The following VOPP1 variants were observed in gnomAD, a reference collection of about 807,000 sequenced individuals.
VOPP1 encodes WW domain binding protein VOPP1.
Under a neutral mutation model 23.5 loss-of-function variants are expected in VOPP1, and 8 were observed. The ratio of observed to expected loss-of-function variants is 0.34; its 90% CI spans 0.20 to 0.61. The LOEUF is 0.61. Ranked by LOEUF, VOPP1 falls within the 20% of genes least tolerant of loss-of-function variation. VOPP1 has a pLI of 0.78. For missense variants in VOPP1, 174 were observed against 238.1 expected (o/e 0.73, Z 1.77); for synonymous variants, 83 against 97.3 (o/e 0.85, Z 0.86).
intron 4 of VOPP1, among the ~76,000 whole-genome samples, chr7:55,440,698 C>G (rs529802675): frequency 1.8e-4 from 28 of 152,302 alleles, no homozygotes; most frequent in Admixed American, 1.1e-3. Flanking sequence ...GGAGCACAAG[C>G]GTGTGCCTGG....
At chr7:55,446,088 G>A (rs1230014943) in intron 4 of VOPP1, among the ~76,000 whole-genome samples, 2 of 149,996 alleles carry the variant, frequency 1.3e-5, no homozygotes, top group East Asian at 3.9e-4. Context: ...TGCCTCCTGT[G>A]TTCATTCCAT....
chr7:55,484,140 G>A (rs573388270), intron 4 of VOPP1, among the ~76,000 whole-genome samples: 2 of 152,276 alleles, frequency 1.3e-5, no homozygotes, highest in East Asian at 3.9e-4. Context: ...CCTCTGCCAT[G>A]TTTTGTTTTT....
intron 4 of VOPP1, among the ~76,000 whole-genome samples, chr7:55,474,159 G>A (rs1792058896): frequency 6.6e-6 from 1 of 152,180 alleles, no homozygotes; most frequent in Non-Finnish European, 1.5e-5. Context: ...AGGCTGCCTC[G>A]CCCTGCATCT....
At chr7:55,555,337 C>T (rs977891050) in intron 1 of VOPP1, among the ~76,000 whole-genome samples, 3 of 152,224 alleles carry the variant, frequency 2.0e-5, no homozygotes, top group African/African-American at 7.2e-5. Flanking sequence ...ATGACAATCG[C>T]TCACTTTCAG....
At chr7:55,526,252 G>A (rs1796185865) in intron 1 of VOPP1, among the ~76,000 whole-genome samples, 1 of 152,252 alleles carries the variant, frequency 6.6e-6, no homozygotes, top group South Asian at 2.1e-4. Context: ...AGGCCTGAAA[G>A]ACGTCTCTGC....
intron 1 of VOPP1, among the ~76,000 whole-genome samples, chr7:55,535,379 T>C (rs1447202221): frequency 6.6e-6 from 1 of 152,170 alleles, no homozygotes; most frequent in Non-Finnish European, 1.5e-5. Flanking sequence ...CTCAGTGAGC[T>C]CAGAGGGCAC....
At chr7:55,560,163 C>T (rs1333906221) in intron 1 of VOPP1, among the ~76,000 whole-genome samples, 2 of 151,688 alleles carry the variant, frequency 1.3e-5, no homozygotes, top group African/African-American at 2.4e-5. Flanking sequence ...AAACAACAAA[C>T]GAAAACAAAA....
intron 2 of VOPP1, among the ~76,000 whole-genome samples, chr7:55,508,867 TC>T (rs1439598366): frequency 6.6e-6 from 1 of 152,086 alleles, no homozygotes; most frequent in Non-Finnish European, 1.5e-5. Flanking sequence ...CATAGTGAGA[TC>T]CTGTCTCTAT....
chr7:55,463,967 G>A (rs1215842813), intron 4 of VOPP1, among the ~76,000 whole-genome samples: 1 of 152,216 alleles, frequency 6.6e-6, no homozygotes, highest in Non-Finnish European at 1.5e-5. Flanking sequence ...ATGGCAGCAG[G>A]TGGAGTGGAT....
At chr7:55,536,335 C>T (rs1461964403) in intron 1 of VOPP1, among the ~76,000 whole-genome samples, 2 of 152,140 alleles carry the variant, frequency 1.3e-5, no homozygotes, top group African/African-American at 2.4e-5. Flanking sequence ...CTAAGACCAA[C>T]CTGGCCAACA....
intron 1 of VOPP1, among the ~76,000 whole-genome samples, chr7:55,570,740 G>C (rs2129058243): frequency 6.6e-6 from 1 of 152,192 alleles, no homozygotes; most frequent in East Asian, 1.9e-4. Flanking sequence ...TCAGGAGTTC[G>C]AGACCAGCCT....
At chr7:55,486,189 T>C (rs117480414) in intron 4 of VOPP1, among the ~76,000 whole-genome samples, 1,860 of 152,366 alleles carry the variant, frequency 0.012, 12 homozygotes, top group Middle Eastern at 0.02. Flanking sequence ...TCAAAGATCA[T>C]AGATGTGCAA....
chr7:55,470,621 T>C lies in VOPP1; in HGVS notation c.*2234A>G, dbSNP rs1791755704. On this transcript the variant is annotated 3_prime_UTR_variant, in exon 5 of 5. Coordinates refer to ENST00000285279, the MANE Select transcript of VOPP1 (RefSeq NM_030796.5). Reference sequence around the variant, plus strand: ...AAAACAATCAAAGCACATGCCCAAATTTATTTTTATTTTGCACACATAGGA... The same window carrying C: ...AAAACAATCAAAGCACATGCCCAAACTTATTTTTATTTTGCACACATAGGA... 6.6e-6 allele frequency: 1 copy of C among 152,184 alleles called. No individual in the cohort carries two copies. Among genetic ancestry groups the C allele is most frequent in the Non-Finnish European group, 1.5e-5 (1 of 68,044 alleles). The allele number at this position is 152,184 out of a possible 1,614,324, so 9.4% of individuals were successfully genotyped here.
chr7:55,543,728 A>G (rs1797242203), intron 1 of VOPP1, among the ~76,000 whole-genome samples: 1 of 151,572 alleles, frequency 6.6e-6, no homozygotes, highest in Non-Finnish European at 1.5e-5. Context: ...ATGTCTATTC[A>G]AATAATTTGC....
chr7:55,521,477 T>C (rs745548503), intron 1 of VOPP1: 23 of 942,704 alleles, frequency 2.4e-5, no homozygotes, highest in Admixed American at 5.3e-5. Flanking sequence ...ACTGCAAAGA[T>C]TGCCACTGCC....
intron 2 of VOPP1, among the ~76,000 whole-genome samples, chr7:55,507,085 A>C (rs1794774470): frequency 6.6e-6 from 1 of 152,244 alleles, no homozygotes. Flanking sequence ...GAGGCAGCAG[A>C]AGTCCCAGCC....
intron 2 of VOPP1, among the ~76,000 whole-genome samples, chr7:55,516,253 G>C (rs1490845465): frequency 1.3e-5 from 2 of 152,192 alleles, no homozygotes; most frequent in African/African-American, 2.4e-5. Context: ...CATTACTGGA[G>C]GGAACAGGAA....
intron 4 of VOPP1, among the ~76,000 whole-genome samples, chr7:55,460,547 A>T (rs2129003473): frequency 6.6e-6 from 1 of 152,214 alleles, no homozygotes; most frequent in East Asian, 1.9e-4. Flanking sequence ...CTCCCTATAG[A>T]TGTAATATTT....
chr7:55,440,846 G>C (rs943610091), intron 4 of VOPP1, among the ~76,000 whole-genome samples: 1 of 152,136 alleles, frequency 6.6e-6, no homozygotes, highest in East Asian at 1.9e-4. Context: ...TTCCTGAGCC[G>C]TACTGAGTAT....
Sources: gnomAD v4.1 joint callset for allele counts (sites outside exome capture counted in the v4.1 genomes callset) on GRCh38, gnomAD v4.1.1 for gene constraint, MANE v1.5 for transcripts, NCBI Gene and HGNC (gene_info 2026-07-23, HGNC 2026-07-21) for gene names.